Variants in VAV2 observed in about 807,000 individuals in gnomAD.
VAV2 encodes guanine nucleotide exchange factor VAV2.
Under a neutral mutation model 132.5 loss-of-function variants are expected in VAV2, and 67 were observed. That is an observed-to-expected ratio of 0.51 (90% CI 0.42 to 0.62). The LOEUF (loss-of-function observed/expected upper bound fraction) is 0.62, where lower values mean the gene tolerates loss of function less well. Among genes scored for constraint, VAV2 ranks in the 20% least tolerant of loss-of-function variants. VAV2 has a pLI of 0.00. For synonymous variants in VAV2, 492 were observed against 443.5 expected, an observed-to-expected ratio of 1.11 and a Z score of -1.37; for missense variants, 938 against 1,153.6, an observed-to-expected ratio of 0.81 and a Z score of 2.71.
intron 1 of VAV2, among the ~76,000 whole-genome samples, chr9:133,981,287 T>A (rs1842684404): frequency 6.6e-6 from 1 of 152,194 alleles, no homozygotes; most frequent in Non-Finnish European, 1.5e-5. Context: ...AGACAGGCAC[T>A]AGTGACCACG....
In VAV2 at chr9:133,829,864, C is replaced by T. The variant is rs144234143; in HGVS notation, c.449+4408G>A. Among the ~76,000 whole-genome samples the T allele has an allele frequency of 4.6e-3, 700 of 152,276 alleles. 6 individuals are homozygous for T. The highest frequency in any genetic ancestry group is 0.016 in the African/African-American group (670 of 41,558). On this transcript the variant is annotated intron_variant, in intron 4 of 29. Transcript: ENST00000371850. ...TTGACGTGGCTCCGCTGTAATCCCA[C>T]CACACTGCCCTGAAACTGTCCTTCG...
rs201498528 is a variant in VAV2 at position 133,774,925 on chromosome 9, C to G, written c.2135+10G>C. 74 of 1,608,128 alleles carry G rather than the reference C, an allele frequency of 4.6e-5. No homozygotes were observed. In the Middle Eastern group the frequency reaches 1.2e-3, roughly 25 times the overall value. On this transcript the variant is annotated intron_variant, in intron 25 of 29. Transcript: ENST00000371850. ...GGATGGGTCTCCTCGAGCCCAGAGC[C>G]GCCACTTACTTGATGCTTATTGCAA...
chr9:133,977,789 G>C (rs143674530), intron 1 of VAV2, among the ~76,000 whole-genome samples: 2 of 152,190 alleles, frequency 1.3e-5, no homozygotes, highest in Admixed American at 6.5e-5. Flanking sequence ...CAAAACATAG[G>C]CCTCAAAACT....
chr9:133,890,225 G>A (rs1019347092), intron 2 of VAV2, among the ~76,000 whole-genome samples: 71 of 152,300 alleles, frequency 4.7e-4, no homozygotes, highest in Admixed American at 1.6e-3. Context: ...AGCCCAGGCC[G>A]GGAGTCTGGG....
At chr9:133,870,280 G>A (rs1468385184) in intron 2 of VAV2, among the ~76,000 whole-genome samples, 3 of 152,226 alleles carry the variant, frequency 2.0e-5, no homozygotes, top group Admixed American at 1.3e-4. Context: ...AGAGAGGTGG[G>A]AGCCGCCCCC....
At chr9:133,922,899 C>T (rs930285841) in intron 2 of VAV2, among the ~76,000 whole-genome samples, 1 of 152,200 alleles carries the variant, frequency 6.6e-6, no homozygotes, top group Non-Finnish European at 1.5e-5. Flanking sequence ...AACTTATCCA[C>T]AGGGTGAAAG....
chr9:133,989,561 G>C (rs2810470), intron 1 of VAV2, among the ~76,000 whole-genome samples: 141,410 of 144,542 alleles, frequency 0.98, 69,173 homozygotes, highest in Non-Finnish European at 0.99. Context: ...GGAGCGTGCC[G>C]GTAGTCCCAG....
In VAV2 at chr9:133,991,044, C is replaced by T. The variant is rs978630618; in HGVS notation, c.204+1031G>A. Among the ~76,000 whole-genome samples the T allele has an allele frequency of 6.6e-6, 1 of 152,252 alleles. No individual in the cohort carries two copies. ...AATCGCTGGTGACTCACTCTCCCTC[C>T]TTCCCAGGAACCACGTCCTAAGTCC... On this transcript the variant is annotated intron_variant, in intron 1 of 29. Transcript: ENST00000371850. The surrounding 1 kb of genome is among the most constrained non-coding windows in gnomAD (Gnocchi z 4.8).
intron 2 of VAV2, among the ~76,000 whole-genome samples, chr9:133,927,490 T>A (rs1330480032): frequency 2.6e-5 from 4 of 152,170 alleles, no homozygotes; most frequent in South Asian, 2.1e-4. Flanking sequence ...CAAATAGGGC[T>A]GGGAAAACTG....
At chr9:133,861,247 C>T in intron 3 of VAV2, 127 bp downstream of exon 3, 1 of 1,082,380 alleles carries the variant, frequency 9.2e-7, no homozygotes, top group Non-Finnish European at 1.3e-6. Context: ...CGACAACACG[C>T]TGCAAATGCA....
Position 133,979,696 on chromosome 9 carries a change from A to C in VAV2, c.204+12379T>G, listed in dbSNP as rs1249527512. On this transcript the variant is annotated intron_variant, in intron 1 of 29. Coordinates refer to ENST00000371850, the MANE Select transcript of VAV2 (RefSeq NM_001134398.2). Reference sequence around the variant, plus strand: ...CACCACTGACCTCTGGCCCACGAGGACCTCCTGCTGTCAGCCTGCTGACTT... The same window carrying C: ...CACCACTGACCTCTGGCCCACGAGGCCCTCCTGCTGTCAGCCTGCTGACTT... 2.0e-5 allele frequency among the ~76,000 whole-genome samples: 3 copies of C among 152,182 alleles called. No individual in the cohort carries two copies. In the East Asian group the frequency reaches 5.8e-4, roughly 29 times the overall value.
At chr9:133,817,816 G>A (rs1426191398) in intron 4 of VAV2, among the ~76,000 whole-genome samples, 2 of 152,124 alleles carry the variant, frequency 1.3e-5, no homozygotes, top group East Asian at 1.9e-4. Flanking sequence ...CTCTTCATCC[G>A]CTCATTCATT....
chr9:133,842,625 G>A (rs888166569), intron 3 of VAV2, among the ~76,000 whole-genome samples: 41 of 152,220 alleles, frequency 2.7e-4, no homozygotes, highest in African/African-American at 9.9e-4. Context: ...GGGGGTGGTG[G>A]GGGCCTGGCT....
chr9:133,957,089 T>A (rs1433246364), intron 1 of VAV2, among the ~76,000 whole-genome samples: 1 of 152,104 alleles, frequency 6.6e-6, no homozygotes, highest in Non-Finnish European at 1.5e-5. Context: ...GGTTCCTCAC[T>A]CTGTGCAAGC....
intron 23 of VAV2, 44 bp from the exon 24 acceptor site, chr9:133,776,124 T>G: frequency 6.2e-7 from 1 of 1,607,208 alleles, no homozygotes; most frequent in Non-Finnish European, 8.5e-7. Context: ...CCAGGGCCAC[T>G]CACAGAGCAG....
Position 133,806,143 on chromosome 9 carries a change from G to A in VAV2, c.774C>T (p.Ile258=), listed in dbSNP as rs1260129393. ...TGCCCCCCACCATCACGGACACGTCGATGGCCCTCAGGAAGCTGTGATGCA... is the reference window on the plus strand; with the variant it reads ...TGCCCCCCACCATCACGGACACGTCAATGGCCCTCAGGAAGCTGTGATGCA... ...IKVHHSFLRA[I]DVSVMVGGST... Residue 258 remains isoleucine (I), a synonymous_variant, in exon 9 of 30, where the codon ATC becomes ATT. Coordinates refer to ENST00000371850, the MANE Select transcript of VAV2 (RefSeq NM_001134398.2). The A allele has an allele frequency of 5.6e-6, 9 of 1,612,808 alleles. No homozygotes were observed. Among genetic ancestry groups the A allele is most frequent in the South Asian group, 5.5e-5 (5 of 91,036 alleles).
At chr9:133,986,277 G>A (rs370641) in intron 1 of VAV2, among the ~76,000 whole-genome samples, 72,603 of 151,546 alleles carry the variant, frequency 0.48, 18,163 homozygotes, top group Middle Eastern at 0.57. Flanking sequence ...CTACAGTTGC[G>A]TGACCTGACG....
intron 1 of VAV2, among the ~76,000 whole-genome samples, chr9:133,976,036 A>T (rs1842495072): frequency 8.5e-6 from 1 of 118,286 alleles, no homozygotes; most frequent in Admixed American, 9.2e-5. Flanking sequence ...TCTCTACTAA[A>T]AAAAAAAAGA....
Position 133,884,309 on chromosome 9 carries a change from G to A in VAV2, c.322-22877C>T, listed in dbSNP as rs900517716. ...TGTGATCATTACCCACCACCACCAC[G>A]CGTCCTGCCTCCCAGCTGGACCCCA... On this transcript the variant is annotated intron_variant, in intron 2 of 29. Coordinates refer to ENST00000371850, the MANE Select transcript of VAV2 (RefSeq NM_001134398.2). The surrounding 1 kb of genome is among the most constrained non-coding windows in gnomAD (Gnocchi z 5.3). 1.3e-4 allele frequency among the ~76,000 whole-genome samples: 20 copies of A among 152,240 alleles called. No homozygotes were observed. The East Asian group carries it at 3.3e-3, about 25-fold the overall frequency.
Sources: gnomAD v4.1 joint callset for allele counts (sites outside exome capture counted in the v4.1 genomes callset) on GRCh38, gnomAD v4.1.1 for gene constraint, Gnocchi (gnomAD v3.1) non-coding constraint, MANE v1.5 for transcripts, NCBI Gene and HGNC (gene_info 2026-07-23, HGNC 2026-07-21) for gene names.